Variants in NPSR1 observed in about 807,000 individuals in gnomAD.
The protein encoded by NPSR1 is neuropeptide S receptor.
NPSR1 carries 48 observed loss-of-function variants against 46.9 expected under a neutral mutation model. That is an observed-to-expected ratio of 1.02 (90% confidence interval 0.81 to 1.30). The LOEUF is 1.30. NPSR1 is among the 50% of genes most tolerant of loss of function. The pLI, the probability that NPSR1 is intolerant of heterozygous loss-of-function variation, is 0.00. For missense variants in NPSR1, 450 were observed against 449.5 expected, an observed-to-expected ratio of 1.00 and a Z score of -0.01; for synonymous variants, 176 against 168.1, an observed-to-expected ratio of 1.05 and a Z score of -0.36.
At chr7:34,792,488 T>C (rs894568832) in intron 3 of NPSR1, among the ~76,000 whole-genome samples, 1 of 146,086 alleles carries the variant, frequency 6.8e-6, no homozygotes, top group Admixed American at 7.0e-5. Flanking sequence ...GGCAAACCCC[T>C]ATCTCTACAA....
chr7:34,840,196 T>A (rs1305675153), intron 6 of NPSR1, among the ~76,000 whole-genome samples: 1 of 152,154 alleles, frequency 6.6e-6, no homozygotes, highest in Non-Finnish European at 1.5e-5. Context: ...TATGCAGCCA[T>A]GCCCAGCTAA....
At chr7:34,710,528 A>G (rs1318018435) in intron 2 of NPSR1, among the ~76,000 whole-genome samples, 1 of 152,224 alleles carries the variant, frequency 6.6e-6, no homozygotes, top group Admixed American at 6.5e-5. Context: ...ATCTTAAATG[A>G]TGGGCAGGTT....
intron 4 of NPSR1, among the ~76,000 whole-genome samples, chr7:34,823,419 A>AAAAAAAAAAAAAAAAC (rs1789668669): frequency 8.1e-6 from 1 of 124,042 alleles, no homozygotes; most frequent in Admixed American, 7.4e-5. Flanking sequence ...AAAAAAAACA[A>AAAAAAAAAAAAAAAAC]CACCATAAAT....
chr7:34,784,895 G>A (rs188612670), intron 3 of NPSR1, among the ~76,000 whole-genome samples: 1 of 152,082 alleles, frequency 6.6e-6, no homozygotes, highest in Non-Finnish European at 1.5e-5. Flanking sequence ...GTGCTGGAGA[G>A]GATGTGGAGA....
chr7:34,708,955 G>A (rs1364807676), intron 2 of NPSR1, among the ~76,000 whole-genome samples: 1 of 152,126 alleles, frequency 6.6e-6, no homozygotes, highest in Non-Finnish European at 1.5e-5. Context: ...TTTTCTAGGA[G>A]AGGATAATGA....
intron 8 of NPSR1, among the ~76,000 whole-genome samples, chr7:34,867,920 C>T (rs1791354334): frequency 6.6e-6 from 1 of 151,778 alleles, no homozygotes; most frequent in African/African-American, 2.4e-5. Flanking sequence ...GGAGAAAGTC[C>T]AGCCAGTATT....
intron 1 of NPSR1, among the ~76,000 whole-genome samples, chr7:34,663,656 TC>T (rs1791585404): frequency 6.6e-6 from 1 of 152,118 alleles, no homozygotes; most frequent in Admixed American, 6.5e-5. Flanking sequence ...GCCTCGCATC[TC>T]CCCAGCATCT....
chr7:34,684,484 G>T (rs1792821914), intron 1 of NPSR1, 68 bp from the exon 2 acceptor site: 1 of 1,510,142 alleles, frequency 6.6e-7, no homozygotes, highest in Non-Finnish European at 9.1e-7. Flanking sequence ...CCAGCCTGGG[G>T]CAGGCATTCT....
chr7:34,740,790 C>T (rs1396570421), intron 2 of NPSR1, among the ~76,000 whole-genome samples: 1 of 152,178 alleles, frequency 6.6e-6, no homozygotes, highest in Non-Finnish European at 1.5e-5. Context: ...CTGCTTCCTG[C>T]AGAGGGTCTG....
At chr7:34,859,740 A>C (rs1293802182) in intron 8 of NPSR1, among the ~76,000 whole-genome samples, 2 of 151,766 alleles carry the variant, frequency 1.3e-5, no homozygotes, top group African/African-American at 4.9e-5. Context: ...AGATTTCTGA[A>C]CCCCCAACCC....
chr7:34,838,984 T>C (rs954939955), intron 6 of NPSR1, among the ~76,000 whole-genome samples: 3 of 152,178 alleles, frequency 2.0e-5, no homozygotes, highest in African/African-American at 7.2e-5. Flanking sequence ...TTCCATGTTT[T>C]TAATTAAATG....
At position 34,811,836 on chromosome 7, in the gene NPSR1, G is replaced by A. The variant is rs756851967; in HGVS notation, c.451G>A (p.Val151Ile). The change falls in exon 4 of 9, where the codon GTC becomes ATC. Residue 151 changes from valine (V) to isoleucine (I), a missense_variant. Val to Ile is a conservative substitution (Grantham distance 29, BLOSUM62 3). Transcript: ENST00000360581. ...CAGCATAGACAGATACCATGCCATCGTCTACCCCATGAAGTTCCTTCAAGG... is the reference window on the plus strand; with the variant it reads ...CAGCATAGACAGATACCATGCCATCATCTACCCCATGAAGTTCCTTCAAGG... The part of the protein sequence containing the change: ...SLSIDRYHAI[V>I]YPMKFLQGEK... The A allele has an allele frequency of 1.3e-5, 21 of 1,612,994 alleles. No homozygotes were observed. The East Asian group carries it at 2.0e-4, about 15-fold the overall frequency.
intron 2 of NPSR1, among the ~76,000 whole-genome samples, chr7:34,749,315 T>A (rs1218545282): frequency 6.6e-6 from 1 of 152,062 alleles, no homozygotes; most frequent in East Asian, 1.9e-4. Flanking sequence ...TAGCTCCTTA[T>A]CCCTTTTCCT....
At chr7:34,751,625 C>T in intron 2 of NPSR1, 1 of 1,602,102 alleles carries the variant, frequency 6.2e-7, no homozygotes, top group Non-Finnish European at 8.6e-7. Flanking sequence ...CCACTCACTG[C>T]CTGCTCCAAG....
chr7:34,869,468 C>T (rs1212133182), intron 8 of NPSR1, among the ~76,000 whole-genome samples: 1 of 151,684 alleles, frequency 6.6e-6, no homozygotes, highest in Non-Finnish European at 1.5e-5. Flanking sequence ...TTGCAGTAGT[C>T]TTCTGACTGT....
Position 34,733,516 on chromosome 7 carries a change from G to T in NPSR1, c.281-44946G>T, listed in dbSNP as rs1784533670. On this transcript the variant is annotated intron_variant, in intron 2 of 8. Transcript: ENST00000360581. The stretch of plus-strand genomic sequence containing the variant: ...CAATAGCCTATCCTGCAAAATAAAA[G>T]TTAGTTCAAATTTTTAGGAAATATT... 1.3e-5 allele frequency among the ~76,000 whole-genome samples: 2 copies of T among 151,782 alleles called. 1 individual carries two copies. The highest frequency in any genetic ancestry group is 4.2e-4 in the South Asian group (2 of 4,816).
rs56324222 is a variant in NPSR1, at chr7:34,870,867, C to CATGGATGGATGG, written c.1026-7185_1026-7174dup. Among the ~76,000 whole-genome samples the CATGGATGGATGG allele has an allele frequency of 1.1e-3, 161 of 145,756 alleles. 5 individuals carry two copies. Among genetic ancestry groups the CATGGATGGATGG allele is most frequent in the African/African-American group, 4.1e-3 (152 of 36,944 alleles). On this transcript the variant is annotated intron_variant, in intron 8 of 8. Coordinates refer to the NPSR1 transcript ENST00000359791. ...AGCTTAATCAGGAAGAAGTGGGTAA[C>CATGGATGGATGG]ATGGATGGATGGATGGATGGATGGA...
chr7:34,867,398 C>T (rs566724376), intron 8 of NPSR1, among the ~76,000 whole-genome samples: 29 of 151,980 alleles, frequency 1.9e-4, no homozygotes, highest in African/African-American at 7.0e-4. Flanking sequence ...CATTGCGCCT[C>T]CTGTTTCTAT....
At chr7:34,708,607 G>A (rs1304963423) in intron 2 of NPSR1, among the ~76,000 whole-genome samples, 1 of 152,164 alleles carries the variant, frequency 6.6e-6, no homozygotes, top group Non-Finnish European at 1.5e-5. Flanking sequence ...GGAAAAATTA[G>A]ATTTTTCTCA....
Sources: allele counts gnomAD v4.1 joint callset (sites outside exome capture counted in the v4.1 genomes callset), GRCh38; gene constraint gnomAD v4.1.1; transcripts MANE v1.5; gene names NCBI Gene and HGNC (gene_info 2026-07-23, HGNC 2026-07-21).